The following MINPP1 variants were observed in gnomAD, a reference collection of about 807,000 sequenced individuals.
The protein encoded by MINPP1 is multiple inositol-polyphosphate phosphatase 1.
In MINPP1, 28 loss-of-function variants were observed where a neutral mutation model predicts 46.1. The ratio of observed to expected loss-of-function variants is 0.61; its 90% CI spans 0.45 to 0.83. The LOEUF (loss-of-function observed/expected upper bound fraction) is 0.83. Among genes scored for constraint, MINPP1 ranks in the 40% least tolerant of loss-of-function variants. The pLI is 0.00. For synonymous variants in MINPP1, 268 were observed against 249.1 expected, an observed-to-expected ratio of 1.08 and a Z score of -0.72; for missense variants, 603 against 610.0, an observed-to-expected ratio of 0.99 and a Z score of 0.12.
intron 4 of MINPP1, among the ~76,000 whole-genome samples, chr10:87,537,742 C>G (rs1431705376): frequency 6.6e-6 from 1 of 151,830 alleles, no homozygotes; most frequent in African/African-American, 2.4e-5. Flanking sequence ...TATGTGAAAA[C>G]TATTCTGTTT....
intron 4 of MINPP1, among the ~76,000 whole-genome samples, chr10:87,527,628 T>C (rs1167902100): frequency 1.3e-5 from 2 of 151,944 alleles, no homozygotes; most frequent in Non-Finnish European, 2.9e-5. Flanking sequence ...GAAGCCAACC[T>C]GATCATGGTG....
At chr10:87,535,524 C>T (rs1320450249) in intron 4 of MINPP1, among the ~76,000 whole-genome samples, 1 of 152,042 alleles carries the variant, frequency 6.6e-6, no homozygotes, top group Non-Finnish European at 1.5e-5. Flanking sequence ...TGTAAAATGC[C>T]CAAGTTAATT....
chr10:87,544,993 T>C (rs1381265801), intron 4 of MINPP1, among the ~76,000 whole-genome samples: 1 of 152,230 alleles, frequency 6.6e-6, no homozygotes, highest in Admixed American at 6.5e-5. Flanking sequence ...TAAGAGTGTG[T>C]GTAATTCTTA....
At chr10:87,534,751 A>G (rs1238011618) in intron 4 of MINPP1, among the ~76,000 whole-genome samples, 1 of 152,246 alleles carries the variant, frequency 6.6e-6, no homozygotes, top group Non-Finnish European at 1.5e-5. Flanking sequence ...TAACTGTTAA[A>G]TAAGTAGAAT....
Position 87,514,860 on chromosome 10 carries a change from C to T in MINPP1, c.933+1639C>T, listed in dbSNP as rs980096913. On this transcript the variant is annotated intron_variant, in intron 3 of 4. Transcript: ENST00000371996. Reference sequence around the variant, plus strand: ...CCTCTCCAGTAGCTGGGATTACAGGCGTGTGCTACCATGCCCAGGTAATTT... The same window carrying T: ...CCTCTCCAGTAGCTGGGATTACAGGTGTGTGCTACCATGCCCAGGTAATTT... Among the ~76,000 whole-genome samples, 16 of 152,028 alleles carry T rather than the reference C, an allele frequency of 1.1e-4. No homozygotes were observed. In the South Asian group the frequency reaches 2.7e-3, roughly 26 times the overall value.
Position 87,519,222 on chromosome 10 carries a change from C to T in MINPP1, c.934-1814C>T, listed in dbSNP as rs75997623. 7.4e-3 allele frequency among the ~76,000 whole-genome samples: 1,128 copies of T among 152,240 alleles called. 19 individuals are homozygous for T. The highest frequency in any genetic ancestry group is 0.025 in the African/African-American group (1,046 of 41,542). Reference sequence around the variant, plus strand: ...ATACCACAGGTCAGCCCCTGGTTTTCGAAGAGGGATACCTTACATCAAAAG... The same window carrying T: ...ATACCACAGGTCAGCCCCTGGTTTTTGAAGAGGGATACCTTACATCAAAAG... On this transcript the variant is annotated intron_variant, in intron 3 of 4. Coordinates refer to ENST00000371996, the MANE Select transcript of MINPP1 (RefSeq NM_004897.5).
chr10:87,533,561 T>A (rs1851689667), intron 4 of MINPP1, among the ~76,000 whole-genome samples: 1 of 152,220 alleles, frequency 6.6e-6, no homozygotes, highest in African/African-American at 2.4e-5. Flanking sequence ...CTTTTTAGAT[T>A]CGAGGATTTC....
Position 87,505,342 on chromosome 10 carries a change from G to A in MINPP1, c.427G>A (p.Asp143Asn). ...GCCTTTGTGGTACGCGGACTGGATG[G>A]ACGGGCAGCTAGTAGAGAAGGGACG... ...DWPLWYADWM[D>N]GQLVEKGRQD... Residue 143 changes from aspartate (D) to asparagine (N), a missense_variant, in exon 1 of 5, where the codon GAC becomes AAC. Asp to Asn is a conservative substitution (Grantham distance 23, BLOSUM62 1). Around this residue, in one of 3 missense-constraint regions of MINPP1, gnomAD observed 20 missense variants for 39.5 expected, o/e 0.51. Transcript: ENST00000371996. This position sits in a 1 kb window ranked among gnomAD's most constrained non-coding sequence, Gnocchi z 4.4. 18 of 1,613,938 alleles carry A rather than the reference G, an allele frequency of 1.1e-5. No homozygotes were observed. Among genetic ancestry groups the A allele is most frequent in the Non-Finnish European group, 1.4e-5 (17 of 1,179,860 alleles).
rs74150499 is a variant in MINPP1, at chr10:87,531,658, A to G, written c.1067+10489A>G. 9.8e-3 allele frequency among the ~76,000 whole-genome samples: 1,493 copies of G among 152,312 alleles called. 19 individuals carry two copies. The highest frequency in any genetic ancestry group is 0.034 in the African/African-American group (1,421 of 41,564). ...AAAATTCAAAATACTCCAAACTCCAAAACTTTTTGAGTGCGGATGTGATGC... is the reference window on the plus strand; with the variant it reads ...AAAATTCAAAATACTCCAAACTCCAGAACTTTTTGAGTGCGGATGTGATGC... On this transcript the variant is annotated intron_variant, in intron 4 of 4. Transcript: ENST00000371996.
At chr10:87,551,007 G>T (rs887409976) in intron 4 of MINPP1, among the ~76,000 whole-genome samples, 3 of 152,054 alleles carry the variant, frequency 2.0e-5, no homozygotes, top group Non-Finnish European at 4.4e-5. Flanking sequence ...GGATTCTCTT[G>T]TTCTCAGATT....
intron 1 of MINPP1, among the ~76,000 whole-genome samples, chr10:87,507,250 T>C (rs964253640): frequency 2.6e-5 from 4 of 152,274 alleles, no homozygotes; most frequent in African/African-American, 9.6e-5. Context: ...GGGAGTCTGC[T>C]GAATTAGATT....
At chr10:87,521,884 C>T (rs746580252) in intron 4 of MINPP1, among the ~76,000 whole-genome samples, 1 of 152,132 alleles carries the variant, frequency 6.6e-6, no homozygotes, top group African/African-American at 2.4e-5. Context: ...TTTGATAGAA[C>T]CTCAATTCCA....
intron 4 of MINPP1, among the ~76,000 whole-genome samples, chr10:87,527,482 G>T (rs1025648541): frequency 1.3e-5 from 2 of 152,104 alleles, no homozygotes; most frequent in Non-Finnish European, 1.5e-5. Context: ...TAGCATGAAG[G>T]GCTGTTGAAT....
intron 2 of MINPP1, among the ~76,000 whole-genome samples, chr10:87,512,471 G>A (rs1449689727): frequency 6.6e-6 from 1 of 151,562 alleles, no homozygotes; most frequent in Non-Finnish European, 1.5e-5. Context: ...CTCCATCTCT[G>A]TAGTCTTCTC....
At chr10:87,545,865 T>G (rs1210001265) in intron 4 of MINPP1, among the ~76,000 whole-genome samples, 2 of 152,232 alleles carry the variant, frequency 1.3e-5, no homozygotes, top group Non-Finnish European at 2.9e-5. Context: ...TGACATATTC[T>G]CTTTCTTCTA....
chr10:87,505,054 T>A lies in MINPP1; in HGVS notation c.139T>A (p.Phe47Ile), dbSNP rs763402561. ...DPVASSLSPY[F>I]GTKTRYEDVN... ...GGTGGCCTCGTCGCTCAGCCCCTAT[T>A]TCGGCACCAAGACTCGCTACGAGGA... Residue 47 changes from phenylalanine to isoleucine, a missense_variant, in exon 1 of 5, where the codon TTC becomes ATC. By Grantham distance (21) the Phe-to-Ile change is conservative. This residue lies in a region of MINPP1 where 239 missense variants were observed against 189.4 expected (regional missense o/e 1.26). Transcript: ENST00000371996. The surrounding 1 kb of genome is among the most constrained non-coding windows in gnomAD (Gnocchi z 4.4). 3.1e-6 allele frequency: 5 copies of A among 1,613,422 alleles called. No homozygotes were observed. The highest frequency in any genetic ancestry group is 4.2e-6 in the Non-Finnish European group (5 of 1,179,910).
intron 4 of MINPP1, among the ~76,000 whole-genome samples, chr10:87,529,436 T>C (rs541593649): frequency 6.6e-6 from 1 of 152,348 alleles, no homozygotes; most frequent in African/African-American, 2.4e-5. Context: ...TTTGCTTGTC[T>C]GTAAAGGATT....
At chr10:87,543,942 A>G (rs991237233) in intron 4 of MINPP1, among the ~76,000 whole-genome samples, 4 of 152,222 alleles carry the variant, frequency 2.6e-5, no homozygotes, top group African/African-American at 9.6e-5. Context: ...TCCAAACTAT[A>G]TCAACTTCTG....
rs925901328 is a variant in MINPP1 at position 87,516,651 on chromosome 10, C to G, written c.933+3430C>G. Among the ~76,000 whole-genome samples, 2 of 104,350 alleles carry G rather than the reference C, an allele frequency of 1.9e-5. 1 individual carries two copies. The highest frequency in any genetic ancestry group is 5.8e-5 in the African/African-American group (2 of 34,736). The allele number at this position is 104,350 out of a possible 152,430, so 68.5% of individuals were successfully genotyped here. On this transcript the variant is annotated intron_variant, in intron 3 of 4. Transcript: ENST00000371996. ...AGGATAGCTTTTTTGCAATTTGTGT[C>G]TGCTTTAATAAGTATATCTAGATTT...
Sources: allele counts gnomAD v4.1 joint callset (sites outside exome capture counted in the v4.1 genomes callset), GRCh38; gene constraint gnomAD v4.1.1; regional missense constraint gnomAD v4.1.1; non-coding constraint Gnocchi (gnomAD v3.1); transcripts MANE v1.5; gene names NCBI Gene and HGNC (gene_info 2026-07-23, HGNC 2026-07-21).